Variants in DLG2 observed in about 807,000 individuals in gnomAD.
The protein encoded by DLG2 is discs large MAGUK scaffold protein 2, also known as disks large homolog 2.
A neutral mutation model predicts 132.5 loss-of-function variants in DLG2; 45 were observed. That is an observed-to-expected ratio of 0.34 (90% CI 0.27 to 0.44). DLG2 has a LOEUF of 0.44. DLG2 is among the 20% of genes least tolerant of loss of function. The pLI, the probability that DLG2 is intolerant of heterozygous loss-of-function variation, is 1.00. For missense variants in DLG2, 1,045 were observed against 1,196.9 expected (o/e 0.87, Z 1.87); for synonymous variants, 424 against 419.6 (o/e 1.01, Z -0.13).
intron 3 of DLG2, among the ~76,000 whole-genome samples, chr11:85,386,474 GTGT>G (rs1319270109): frequency 2.6e-5 from 4 of 151,982 alleles, no homozygotes; most frequent in Non-Finnish European, 5.9e-5. Context: ...TTTTTTTTCT[GTGT>G]TGTTCTTTTT....
At chr11:83,895,145 C>CTTTTTTTTTTTTTTTTTTTTT (rs11287512) in intron 15 of DLG2, among the ~76,000 whole-genome samples, 2 of 87,902 alleles carry the variant, frequency 2.3e-5, no homozygotes, top group African/African-American at 5.0e-5. Flanking sequence ...GAACTACTGT[C>CTTTTTTTTTTTTTTTTTTTTT]TTTTTTTTTT....
At chr11:83,642,171 C>A (rs1454341343) in intron 18 of DLG2, among the ~76,000 whole-genome samples, 3 of 152,136 alleles carry the variant, frequency 2.0e-5, no homozygotes, top group African/African-American at 7.2e-5. Flanking sequence ...TATCCTAACA[C>A]CTGGCATAGC....
chr11:83,958,004 C>G (rs1001379552), intron 14 of DLG2, among the ~76,000 whole-genome samples: 2 of 152,172 alleles, frequency 1.3e-5, no homozygotes, highest in Admixed American at 1.3e-4. Flanking sequence ...ACTAACTGAA[C>G]TTAATGCATT....
chr11:84,838,861 G>A (rs930075792), intron 6 of DLG2, among the ~76,000 whole-genome samples: 19 of 151,884 alleles, frequency 1.3e-4, no homozygotes, highest in Admixed American at 6.6e-5. Flanking sequence ...TAAGAGCTAT[G>A]TATGACAAAC....
At chr11:84,546,641 C>T in intron 6 of DLG2, 1 of 530,120 alleles carries the variant, frequency 1.9e-6, no homozygotes, top group South Asian at 1.5e-5. Flanking sequence ...GGGCTGCATC[C>T]ACCTCCTCCA....
intron 20 of DLG2, among the ~76,000 whole-genome samples, chr11:83,535,208 C>G (rs962768274): frequency 6.6e-6 from 1 of 152,146 alleles, no homozygotes; most frequent in Admixed American, 6.5e-5. Flanking sequence ...TGTTACAGCC[C>G]TAACTTTATT....
At chr11:83,559,207 T>A (rs1340024859) in intron 19 of DLG2, among the ~76,000 whole-genome samples, 1 of 152,124 alleles carries the variant, frequency 6.6e-6, no homozygotes, top group Non-Finnish European at 1.5e-5. Flanking sequence ...GCACTTGGTT[T>A]AGGAAATTAT....
At chr11:84,709,631 C>T (rs1015183202) in intron 6 of DLG2, among the ~76,000 whole-genome samples, 16 of 151,912 alleles carry the variant, frequency 1.1e-4, no homozygotes, top group African/African-American at 3.9e-4. Flanking sequence ...TTGCTTCTTA[C>T]ATCTATGTTT....
At chr11:85,568,420 T>C (rs2077654402) in intron 3 of DLG2, among the ~76,000 whole-genome samples, 1 of 152,148 alleles carries the variant, frequency 6.6e-6, no homozygotes, top group Admixed American at 6.6e-5. Flanking sequence ...GGTATCAGAG[T>C]AATATGGACC....
intron 6 of DLG2, among the ~76,000 whole-genome samples, chr11:84,714,647 T>TTTCTCTCTC (rs2060984125): frequency 1.1e-5 from 1 of 90,650 alleles, no homozygotes; most frequent in African/African-American, 5.9e-5. Flanking sequence ...CTCTCTCTCT[T>TTTCTCTCTC]TCTCTCTCTC....
intron 6 of DLG2, among the ~76,000 whole-genome samples, chr11:84,915,991 A>G (rs10898329): frequency 0.28 from 42,288 of 152,024 alleles, 6,662 homozygotes; most frequent in South Asian, 0.46. Context: ...AGAAAAGGAA[A>G]TCATGAACGT....
At chr11:84,782,360 G>C (rs1327146850) in intron 6 of DLG2, among the ~76,000 whole-genome samples, 1 of 151,824 alleles carries the variant, frequency 6.6e-6, no homozygotes, top group Non-Finnish European at 1.5e-5. Flanking sequence ...TTTAGTAAAA[G>C]TTATGAACAT....
intron 6 of DLG2, among the ~76,000 whole-genome samples, chr11:84,752,036 C>T (rs11234157): frequency 0.27 from 40,912 of 151,960 alleles, 6,084 homozygotes; most frequent in Non-Finnish European, 0.31. Flanking sequence ...AGAAGATGGC[C>T]GAGTCCAGGG....
intron 7 of DLG2, among the ~76,000 whole-genome samples, chr11:84,274,821 A>T (rs1221305031): frequency 1.3e-5 from 2 of 152,148 alleles, no homozygotes; most frequent in African/African-American, 4.8e-5. Context: ...TTTCAATATC[A>T]ATTCAACCAA....
chr11:85,390,299 A>T (rs2086687678), intron 3 of DLG2, among the ~76,000 whole-genome samples: 1 of 152,154 alleles, frequency 6.6e-6, no homozygotes, highest in African/African-American at 2.4e-5. Flanking sequence ...CAACAGGAAA[A>T]TAGTACAATT....
intron 20 of DLG2, among the ~76,000 whole-genome samples, chr11:83,537,807 C>CAAAAAAAAAA (rs1164386994): frequency 1.6e-4 from 3 of 18,296 alleles, no homozygotes; most frequent in Non-Finnish European, 3.1e-4. Flanking sequence ...GACTCTGTCT[C>CAAAAAAAAAA]AAAAAAAAAA....
At chr11:84,558,432 T>C (rs1233640064) in intron 6 of DLG2, among the ~76,000 whole-genome samples, 2 of 152,300 alleles carry the variant, frequency 1.3e-5, no homozygotes, top group East Asian at 1.9e-4. Context: ...AATTGTGGCA[T>C]CTTTGCAATG....
intron 19 of DLG2, among the ~76,000 whole-genome samples, chr11:83,630,912 T>A (rs988601921): frequency 1.2e-4 from 19 of 152,158 alleles, no homozygotes; most frequent in African/African-American, 4.1e-4. Context: ...TTTCAGGATG[T>A]TATTCTCAGA....
At chr11:84,694,727 C>T (rs2058434969) in intron 6 of DLG2, among the ~76,000 whole-genome samples, 1 of 151,526 alleles carries the variant, frequency 6.6e-6, no homozygotes, top group Non-Finnish European at 1.5e-5. Flanking sequence ...TGATTTTGAT[C>T]TGTTTATCAG....
Sources: gnomAD v4.1 joint callset for allele counts (sites outside exome capture counted in the v4.1 genomes callset) on GRCh38, gnomAD v4.1.1 for gene constraint, MANE v1.5 for transcripts, NCBI Gene and HGNC (gene_info 2026-07-23, HGNC 2026-07-21) for gene names.